RIF1: variants seen among roughly 807,000 people sequenced by gnomAD.
RIF1 encodes telomere-associated protein RIF1.
RIF1 carries 45 observed loss-of-function variants against 247.1 expected under a neutral mutation model. That is an observed-to-expected ratio of 0.18 (90% CI 0.14 to 0.23). The LOEUF is 0.23. Among genes scored for constraint, RIF1 ranks in the 10% least tolerant of loss-of-function variants. RIF1 has a pLI of 1.00. For synonymous variants in RIF1, 1,087 were observed against 978.8 expected (o/e 1.11, Z -2.06); for missense variants, 2,967 against 2,862.5 (o/e 1.04, Z -0.83).
intron 21 of RIF1, 38 bp from the exon 22 acceptor site, chr2:151,454,857 T>A (rs752479848): frequency 1.3e-6 from 2 of 1,486,232 alleles, no homozygotes; most frequent in Non-Finnish European, 1.8e-6. Flanking sequence ...TATTTTCAAT[T>A]TATTTGAGTT....
At chr2:151,436,540 CAAAAA>C (rs561444176) in intron 11 of RIF1, among the ~76,000 whole-genome samples, 2 of 60,810 alleles carry the variant, frequency 3.3e-5, no homozygotes, top group African/African-American at 1.2e-4. Context: ...GACTCTGTCT[CAAAAA>C]AAAAAAAAAA....
At chr2:151,468,346 G>A in intron 31 of RIF1, 128 bp from the exon 32 acceptor site, 1 of 849,016 alleles carries the variant, frequency 1.2e-6, no homozygotes, top group Non-Finnish European at 1.9e-6. Context: ...TAATTGATTA[G>A]GTAGTAGATT....
At chr2:151,496,259 CT>C (rs780636837) in intron 10 of RIF1, 1 of 1,576,810 alleles carries the variant, frequency 6.3e-7, no homozygotes, top group Non-Finnish European at 8.7e-7. Flanking sequence ...TAGTTTTTTT[CT>C]TTTCTCGCCA....
In RIF1 at chr2:151,465,764, G is replaced by A. The variant is rs151186812; in HGVS notation, c.6244G>A (p.Ala2082Thr). Residue 2082 changes from alanine to threonine, a missense_variant, in exon 30 of 36, where the codon GCT becomes ACT. Ala to Thr is a moderately conservative substitution (Grantham distance 58). This residue lies in a region of RIF1 where 2,028 missense variants were observed against 1,825.6 expected (regional missense o/e 1.11). Coordinates refer to ENST00000444746, the MANE Select transcript of RIF1 (RefSeq NM_018151.5). Reference protein sequence around the residue: ...EMSTEEGIIDANKTETNTEYS... With the variant: ...EMSTEEGIIDTNKTETNTEYS... ...GAGCACTGAAGAAGGAATCATTGACGCTAATAAAACTGAAACAAATACTGA... is the reference window on the plus strand; with the variant it reads ...GAGCACTGAAGAAGGAATCATTGACACTAATAAAACTGAAACAAATACTGA... The A allele has an allele frequency of 9.7e-5, 156 of 1,613,074 alleles. No homozygotes were observed. The African/African-American group carries it at 1.0e-3, about 11-fold the overall frequency.
At position 151,480,966 on chromosome 2, in the gene RIF1, CAA is replaced by C. The variant is rs1476852975; in HGVS notation, c.*5898_*5899del. On this transcript the variant is annotated 3_prime_UTR_variant, in exon 36 of 36. Transcript: ENST00000444746. Reference sequence around the variant, plus strand: ...TACATTTTTTAATGGTGAAAAAAGTCAAAAGAAGGACATTTTGTGACACATGA... The same window carrying C: ...TACATTTTTTAATGGTGAAAAAAGTCAAGAAGGACATTTTGTGACACATGA... The C allele has an allele frequency of 1.2e-5, 1 of 80,564 alleles. No individual in the cohort carries two copies. The highest frequency in any genetic ancestry group is 3.5e-5 in the African/African-American group (1 of 28,586). 5.0% of individuals were successfully genotyped at this position (80,564 alleles called of 1,614,324 possible).
At position 151,460,027 on chromosome 2, in the gene RIF1, A is replaced by G; in HGVS notation, c.2983A>G (p.Ile995Val). 6.4e-7 allele frequency: 1 copy of G among 1,557,546 alleles called. No homozygotes were observed. The highest frequency in any genetic ancestry group is 8.7e-7 in the Non-Finnish European group (1 of 1,143,952). The part of the protein sequence containing the change: ...GTENSQLNVK[I>V]SGMERKSNGK... The stretch of plus-strand genomic sequence containing the variant: ...AGAAAATTCACAACTAAATGTGAAG[A>G]TAAGTGGCATGGAGAGAAAATCAAA... Residue 995 changes from isoleucine to valine, a missense_variant, in exon 26 of 36, where the codon ATA becomes GTA. Around this residue, in one of 7 missense-constraint regions of RIF1, gnomAD observed 2,028 missense variants for 1,825.6 expected, o/e 1.11. Coordinates refer to ENST00000444746, the MANE Select transcript of RIF1 (RefSeq NM_018151.5).
At position 151,468,781 on chromosome 2, in the gene RIF1, C is replaced by T. The variant is rs749985849; in HGVS notation, c.6941+25C>T. ...GGTAAGTGGTTATTTAGGCTTCTTG[C>T]TTATATTCCAAGATGCCACTTATTT... is the stretch of plus-strand genomic sequence containing the variant. On this transcript the variant is annotated intron_variant, in intron 33 of 35. Transcript: ENST00000444746. 4.7e-6 allele frequency: 7 copies of T among 1,488,426 alleles called. No individual in the cohort carries two copies. The East Asian group carries it at 1.4e-4, about 29-fold the overall frequency. 92.2% of individuals were successfully genotyped at this position (1,488,426 alleles called of 1,614,324 possible).
Position 151,443,262 on chromosome 2 carries a change from A to G in RIF1, c.1738A>G (p.Thr580Ala), listed in dbSNP as rs1176319559. 1 of 1,574,606 alleles carries G rather than the reference A, an allele frequency of 6.4e-7. No individual in the cohort carries two copies. The highest frequency in any genetic ancestry group is 1.3e-5 in the African/African-American group (1 of 74,098). The change falls in exon 17 of 36, where the codon ACT (threonine) becomes GCT (alanine). Residue 580 changes from threonine to alanine, a missense_variant. Coordinates refer to ENST00000444746, the MANE Select transcript of RIF1 (RefSeq NM_018151.5). Reference sequence around the variant, plus strand: ...TTGACTTCATTTTCTCCTTCAGGGAACTCCAGCTTTGTTCTTAATTCAATT... The same window carrying G: ...TTGACTTCATTTTCTCCTTCAGGGAGCTCCAGCTTTGTTCTTAATTCAATT... ...QVANMDILNG[T>A]PALFLIQLIF...
intron 12 of RIF1, among the ~76,000 whole-genome samples, chr2:151,503,713 A>G (rs916673775): frequency 6.6e-5 from 10 of 152,226 alleles, no homozygotes; most frequent in Admixed American, 2.0e-4. Context: ...TAAATTTACC[A>G]ATGAGAAAAA....
chr2:151,464,770 GAATACAGAAAAT>G lies in RIF1; in HGVS notation c.5254_5265del (p.Thr1752_Asn1755del). The G allele has an allele frequency of 1.2e-6, 2 of 1,613,916 alleles. No homozygotes were observed. Among genetic ancestry groups the G allele is most frequent in the Non-Finnish European group, 1.7e-6 (2 of 1,179,920 alleles). On this transcript the variant is annotated inframe_deletion, in exon 30 of 36. Coordinates refer to ENST00000444746, the MANE Select transcript of RIF1 (RefSeq NM_018151.5). ...AGGAAAAGTCACTCATTGGGTTAAA[GAATACAGAAAAT>G]AATGACGTAGAGATTAGTGAAACAA...
rs2065382776 is a variant in RIF1, at chr2:151,502,416, CATA to C, written c.*710-616_*710-614del. 3.3e-5 allele frequency among the ~76,000 whole-genome samples: 5 copies of C among 150,338 alleles called. No individual in the cohort carries two copies. In the East Asian group the frequency reaches 9.7e-4, roughly 29 times the overall value. The stretch of plus-strand genomic sequence containing the variant: ...AAAAAAAAAACTTAAAAGCTGCAAA[CATA>C]AAGAATACATTAAACAGCCACAATA... On this transcript the variant is annotated intron_variant and NMD_transcript_variant, in intron 11 of 13. Coordinates refer to the RIF1 transcript ENST00000454583.
the RIF1 span, among the ~76,000 whole-genome samples, chr2:151,517,882 C>T: frequency 3.9e-5 from 6 of 152,160 alleles, no homozygotes; most frequent in Admixed American, 2.6e-4. Flanking sequence ...AAACATCATG[C>T]GGTATATGAC....
At chr2:151,531,708 G>A in the RIF1 span, 1 of 1,065,446 alleles carries the variant, frequency 9.4e-7, no homozygotes, top group South Asian at 1.3e-5. Context: ...TAGTCTCCCA[G>A]ACTTTGTGAC....
chr2:151,452,820 C>T (rs1303794454), intron 21 of RIF1, among the ~76,000 whole-genome samples: 2 of 152,176 alleles, frequency 1.3e-5, no homozygotes, highest in African/African-American at 4.8e-5. Context: ...CATAATTTTA[C>T]CTATGTTGGT....
chr2:151,458,747 C>T (rs1312128842), intron 24 of RIF1, 64 bp from the exon 25 acceptor site: 2 of 813,328 alleles, frequency 2.5e-6, no homozygotes, highest in African/African-American at 1.8e-5. Flanking sequence ...CTGTTGTTAA[C>T]AGATCATCAG....
rs1290691997 is a variant in RIF1 at position 151,499,280 on chromosome 2, TTTTTTA to T, written c.*514-58_*514-53del. The T allele has an allele frequency of 7.8e-7, 1 of 1,284,602 alleles. No individual in the cohort carries two copies. The highest frequency in any genetic ancestry group is 1.1e-6 in the Non-Finnish European group (1 of 924,996). 79.6% of individuals were successfully genotyped at this position (1,284,602 alleles called of 1,614,324 possible). A position where few individuals can be genotyped will look rare whatever the true frequency, so the allele number is the denominator to read the frequency against. On this transcript the variant is annotated intron_variant and NMD_transcript_variant, in intron 10 of 13. Coordinates refer to the RIF1 transcript ENST00000454583. ...ACATTTTTTTAAATAATTAAAGGGA[TTTTTTA>T]TTTTTAAATACCGAACTAAAGTTTT... is the stretch of plus-strand genomic sequence containing the variant.
At chr2:151,451,734 G>T (rs776818155) in intron 21 of RIF1, 29 bp downstream of exon 21, 2 of 1,176,198 alleles carry the variant, frequency 1.7e-6, no homozygotes, top group South Asian at 1.2e-5. Flanking sequence ...ACCTTTGTTT[G>T]TCCAGTATTT....
At chr2:151,534,381 T>G in the RIF1 span, 1 of 1,437,732 alleles carries the variant, frequency 7.0e-7, no homozygotes, top group Middle Eastern at 1.7e-4. Flanking sequence ...CAAAAATGTC[T>G]CAAGGTAAAC....
chr2:151,445,360 A>T lies in RIF1; in HGVS notation c.2009A>T (p.Asp670Val), dbSNP rs1693076749. The part of the protein sequence containing the change: ...INQTNEVNQG[D>V]ALEHNFSAIY... ...TAGACCAATGAAGTAAATCAAGGTG[A>T]TGCCTTAGAACATAATTTTAGTGCC... Residue 670 changes from aspartate to valine, a missense_variant, in exon 19 of 36, where the codon GAT becomes GTT. Transcript: ENST00000444746. 1 of 1,601,330 alleles carries T rather than the reference A, an allele frequency of 6.2e-7. No individual in the cohort carries two copies. The highest frequency in any genetic ancestry group is 8.6e-7 in the Non-Finnish European group (1 of 1,168,410).
Sources: gnomAD v4.1 joint callset for allele counts (sites outside exome capture counted in the v4.1 genomes callset) on GRCh38, gnomAD v4.1.1 for gene constraint, gnomAD v4.1.1 regional missense constraint, MANE v1.5 for transcripts, NCBI Gene and HGNC (gene_info 2026-07-23, HGNC 2026-07-21) for gene names.